The following MTMR3 variants were observed in gnomAD, a reference collection of about 807,000 sequenced individuals.
MTMR3 encodes the protein myotubularin related protein 3.
MTMR3 carries 32 observed loss-of-function variants against 132.4 expected under a neutral mutation model. The ratio of observed to expected loss-of-function variants is 0.24; its 90% CI spans 0.18 to 0.32. The LOEUF is 0.32. MTMR3 is among the 10% of genes least tolerant of loss of function. The pLI is 1.00. For synonymous variants in MTMR3, 556 were observed against 550.3 expected, an observed-to-expected ratio of 1.01 and a Z score of -0.14; for missense variants, 1,216 against 1,489.6, an observed-to-expected ratio of 0.82 and a Z score of 3.02.
chr22:29,923,111 G>A (rs1001108673), intron 1 of MTMR3, among the ~76,000 whole-genome samples: 9 of 149,700 alleles, frequency 6.0e-5, no homozygotes, highest in East Asian at 2.0e-4. Flanking sequence ...GCGCCATCTC[G>A]GCTCACTGCA....
chr22:29,941,446 G>A (rs2065855657), intron 1 of MTMR3, among the ~76,000 whole-genome samples: 1 of 152,092 alleles, frequency 6.6e-6, no homozygotes, highest in African/African-American at 2.4e-5. Flanking sequence ...TTGGATCATA[G>A]GATAAATGTA....
intron 1 of MTMR3, among the ~76,000 whole-genome samples, chr22:29,928,465 C>T (rs2065570683): frequency 6.6e-6 from 1 of 152,102 alleles, no homozygotes; most frequent in Non-Finnish European, 1.5e-5. Flanking sequence ...AGCCACTGTG[C>T]CTGGCCACAT....
chr22:29,925,731 C>A (rs1338629336), intron 1 of MTMR3, among the ~76,000 whole-genome samples: 1 of 151,798 alleles, frequency 6.6e-6, no homozygotes, highest in East Asian at 1.9e-4. Context: ...GCCTGGCCAA[C>A]AAGACGAACC....
chr22:30,019,490 A>C lies in MTMR3; in HGVS notation c.1831A>C (p.Thr611Pro). The change falls in exon 17 of 20, where the codon ACT (threonine) becomes CCT (proline). Residue 611 changes from threonine to proline, a missense_variant. Thr to Pro is a conservative substitution (Grantham distance 38). Around this residue, in one of 7 missense-constraint regions of MTMR3, gnomAD observed 852 missense variants for 852.0 expected, o/e 1.00. Transcript: ENST00000401950. ...DDPPLSRLPKTRSYDNLTTAC... is the reference protein window; with the variant it reads ...DDPPLSRLPKPRSYDNLTTAC... ...ATTCCTTTCCTTTAGGCTACCAAAGACTAGATCATACGACAATCTGACCAC... is the reference window on the plus strand; with the variant it reads ...ATTCCTTTCCTTTAGGCTACCAAAGCCTAGATCATACGACAATCTGACCAC... 1 of 1,603,682 alleles carries C rather than the reference A, an allele frequency of 6.2e-7. No individual in the cohort carries two copies. The highest frequency in any genetic ancestry group is 1.1e-5 in the South Asian group (1 of 91,030).
intron 3 of MTMR3, among the ~76,000 whole-genome samples, chr22:29,975,892 C>T (rs567182846): frequency 2.0e-5 from 3 of 152,220 alleles, no homozygotes; most frequent in African/African-American, 4.8e-5. Flanking sequence ...AGGCATGAGC[C>T]GTGTACCTGG....
intron 1 of MTMR3, among the ~76,000 whole-genome samples, chr22:29,909,276 C>G (rs1400469052): frequency 6.6e-6 from 1 of 152,124 alleles, no homozygotes; most frequent in Non-Finnish European, 1.5e-5. Flanking sequence ...TTGCCCTACT[C>G]CCCCAACCCC....
rs577017133 is a variant in MTMR3, at chr22:29,916,594, G to A, written c.-138+33235G>A. Among the ~76,000 whole-genome samples the A allele has an allele frequency of 2.6e-5, 4 of 152,244 alleles. No individual in the cohort carries two copies. In the East Asian group the frequency reaches 7.7e-4, roughly 29 times the overall value. ...TATTGTTCAGCATCCAAGAATAGCT[G>A]TTTCATGTATCTTGTCCAGTTTTTT... On this transcript the variant is annotated intron_variant, in intron 1 of 19. Transcript: ENST00000401950.
At chr22:29,908,697 C>T (rs965217487) in intron 1 of MTMR3, among the ~76,000 whole-genome samples, 4 of 152,116 alleles carry the variant, frequency 2.6e-5, no homozygotes, top group African/African-American at 9.7e-5. Context: ...AAATATTTTT[C>T]AGAGATAAGA....
At chr22:29,974,048 C>T (rs947921544) in intron 3 of MTMR3, among the ~76,000 whole-genome samples, 2 of 152,156 alleles carry the variant, frequency 1.3e-5, no homozygotes, top group South Asian at 4.1e-4. Flanking sequence ...TAGATGACCC[C>T]ACTGACTTTA....
chr22:29,948,706 A>T (rs1310586837), intron 1 of MTMR3, among the ~76,000 whole-genome samples: 1 of 152,166 alleles, frequency 6.6e-6, no homozygotes, highest in Non-Finnish European at 1.5e-5. Flanking sequence ...AAGATCTAGA[A>T]ACAAAGCATA....
chr22:29,884,746 A>G (rs2064635525), intron 1 of MTMR3, among the ~76,000 whole-genome samples: 2 of 152,014 alleles, frequency 1.3e-5, no homozygotes, highest in African/African-American at 2.4e-5. Flanking sequence ...TATTTTTAGT[A>G]GAGACGGGGA....
At chr22:29,957,357 T>C in intron 2 of MTMR3, among the ~76,000 whole-genome samples, 1 of 151,482 alleles carries the variant, frequency 6.6e-6, no homozygotes, top group African/African-American at 2.4e-5. Context: ...TAAGTTGAGA[T>C]TTTGAGTTGC....
intron 1 of MTMR3, among the ~76,000 whole-genome samples, chr22:29,934,013 G>A (rs1471929032): frequency 6.6e-6 from 1 of 152,100 alleles, no homozygotes; most frequent in Non-Finnish European, 1.5e-5. Flanking sequence ...ATAAAAACAT[G>A]TTTATATTAT....
At chr22:29,973,825 C>T (rs1375812415) in intron 3 of MTMR3, among the ~76,000 whole-genome samples, 2 of 152,132 alleles carry the variant, frequency 1.3e-5, no homozygotes, top group Non-Finnish European at 2.9e-5. Context: ...TCTCGAACTC[C>T]TGACCTCAGG....
intron 1 of MTMR3, among the ~76,000 whole-genome samples, chr22:29,899,417 G>A (rs2064963322): frequency 6.6e-6 from 1 of 152,140 alleles, no homozygotes; most frequent in South Asian, 2.1e-4. Context: ...TGTTTATTCT[G>A]TAAGTAGCAA....
At chr22:29,951,268 G>A (rs1465365010) in intron 1 of MTMR3, among the ~76,000 whole-genome samples, 3 of 152,140 alleles carry the variant, frequency 2.0e-5, no homozygotes, top group African/African-American at 7.2e-5. Context: ...TTAGCAGATT[G>A]TATGTGATCT....
intron 1 of MTMR3, among the ~76,000 whole-genome samples, chr22:29,906,432 A>T (rs2065105218): frequency 6.6e-6 from 1 of 151,840 alleles, no homozygotes; most frequent in Non-Finnish European, 1.5e-5. Flanking sequence ...GGGTTCAAGC[A>T]ATTCTCCTGC....
Position 30,022,248 on chromosome 22 carries a change from A to G in MTMR3, c.3336+109A>G, listed in dbSNP as rs1227956610. 3.6e-6 allele frequency: 3 copies of G among 831,044 alleles called. No homozygotes were observed. In the Admixed American group the frequency reaches 6.3e-5, roughly 18 times the overall value. The allele number at this position is 831,044 out of a possible 1,614,324, so 51.5% of individuals were successfully genotyped here. A position where few individuals can be genotyped will look rare whatever the true frequency, so the allele number is the denominator to read the frequency against. On this transcript the variant is annotated intron_variant, in intron 18 of 19. Coordinates refer to ENST00000401950, the MANE Select transcript of MTMR3 (RefSeq NM_021090.4). The stretch of plus-strand genomic sequence containing the variant: ...TGGCCAAGGAAGCACCTCCCAGCAC[A>G]GCTAGCCCTGAGCCTCTGGCACCTT...
intron 1 of MTMR3, among the ~76,000 whole-genome samples, chr22:29,948,799 T>TTA (rs1555902607): frequency 2.7e-5 from 4 of 145,470 alleles, no homozygotes; most frequent in East Asian, 2.0e-4. Context: ...TATTATTGTC[T>TTA]AAAAAAAAAA....
Sources: gnomAD v4.1 joint callset for allele counts (sites outside exome capture counted in the v4.1 genomes callset) on GRCh38, gnomAD v4.1.1 for gene constraint, gnomAD v4.1.1 regional missense constraint, MANE v1.5 for transcripts, NCBI Gene and HGNC (gene_info 2026-07-23, HGNC 2026-07-21) for gene names.